PTPRZ1: variants seen among roughly 807,000 people sequenced by gnomAD.
The protein encoded by PTPRZ1 is protein tyrosine phosphatase receptor type Z1, also known as receptor-type tyrosine-protein phosphatase zeta.
In PTPRZ1, 82 loss-of-function variants were observed where a neutral mutation model predicts 214.1. That is an observed-to-expected ratio of 0.38 (90% CI 0.32 to 0.46). The LOEUF (loss-of-function observed/expected upper bound fraction) is 0.46, where lower values mean the gene tolerates loss of function less well. PTPRZ1 is among the 20% of genes least tolerant of loss of function. The pLI is 1.00. For synonymous variants in PTPRZ1, 945 were observed against 987.9 expected, an observed-to-expected ratio of 0.96 and a Z score of 0.81; for missense variants, 2,603 against 2,748.7, an observed-to-expected ratio of 0.95 and a Z score of 1.19.
At chr7:121,956,349 A>C (rs927225327) in intron 2 of PTPRZ1, among the ~76,000 whole-genome samples, 1 of 152,234 alleles carries the variant, frequency 6.6e-6, no homozygotes, top group Non-Finnish European at 1.5e-5. Context: ...AATTATTAAC[A>C]GTATACAACA....
Position 121,996,364 on chromosome 7 carries a change from A to G in PTPRZ1, c.929-18A>G. 1 of 1,567,198 alleles carries G rather than the reference A, an allele frequency of 6.4e-7. No homozygotes were observed. The highest frequency in any genetic ancestry group is 2.3e-5 in the East Asian group (1 of 43,882). ...AAGGCTAAGTTCTATCAACAACTGT[A>G]CTTTTTTCTCTCTGAAGTTTGTAGT... On this transcript the variant is annotated intron_variant, in intron 8 of 29. Coordinates refer to ENST00000393386, the MANE Select transcript of PTPRZ1 (RefSeq NM_002851.3).
rs377678869 is a variant in PTPRZ1 at position 122,054,993 on chromosome 7, A to G, written c.6434A>G (p.Glu2145Gly). 3.2e-5 allele frequency: 51 copies of G among 1,608,166 alleles called. No individual in the cohort carries two copies. The highest frequency in any genetic ancestry group is 4.2e-5 in the Non-Finnish European group (50 of 1,176,696). The change falls in exon 27 of 30, where the codon GAG becomes GGG. Residue 2145 changes from glutamate to glycine, a missense_variant. Coordinates refer to ENST00000393386, the MANE Select transcript of PTPRZ1 (RefSeq NM_002851.3). ...WPNKDEPINCESFKVTLMAEE... is the reference protein window; with the variant it reads ...WPNKDEPINCGSFKVTLMAEE... ...AATAAAGATGAGCCTATAAATTGTG[A>G]GAGCTTTAAGGTCACTCTTATGGCT...
chr7:121,879,480 G>A (rs1794165390), intron 1 of PTPRZ1, among the ~76,000 whole-genome samples: 1 of 152,204 alleles, frequency 6.6e-6, no homozygotes, highest in African/African-American at 2.4e-5. Flanking sequence ...AAGGCCGTAA[G>A]AGATAGTGAC....
At chr7:121,874,357 C>G (rs1302274569) in intron 1 of PTPRZ1, among the ~76,000 whole-genome samples, 1 of 152,160 alleles carries the variant, frequency 6.6e-6, no homozygotes, top group Non-Finnish European at 1.5e-5. Flanking sequence ...TCAAGTTTTC[C>G]AGTCATTTTC....
At chr7:122,057,991 CAT>C (rs1249985425) in intron 27 of PTPRZ1, among the ~76,000 whole-genome samples, 1 of 148,092 alleles carries the variant, frequency 6.8e-6, no homozygotes, top group Non-Finnish European at 1.5e-5. Flanking sequence ...TATATATATA[CAT>C]ATATATATGT....
In PTPRZ1 at chr7:122,022,125, A is replaced by T. The variant is rs1562867618; in HGVS notation, c.4988+2857A>T. On this transcript the variant is annotated intron_variant, in intron 13 of 29. Coordinates refer to ENST00000393386, the MANE Select transcript of PTPRZ1 (RefSeq NM_002851.3). Reference sequence around the variant, plus strand: ...ACCAATAACAGTCCTAATGGTAATGAAGTCCTTAAGAATTTTTCCAAGTTT... The same window carrying T: ...ACCAATAACAGTCCTAATGGTAATGTAGTCCTTAAGAATTTTTCCAAGTTT... Among the ~76,000 whole-genome samples the T allele has an allele frequency of 2.6e-5, 4 of 152,200 alleles. No individual in the cohort carries two copies. In the South Asian group the frequency reaches 8.3e-4, roughly 31 times the overall value.
At chr7:121,960,922 TA>T (rs887433464) in intron 2 of PTPRZ1, among the ~76,000 whole-genome samples, 4 of 152,096 alleles carry the variant, frequency 2.6e-5, no homozygotes, top group Admixed American at 2.6e-4. Context: ...GGGTGCTAAC[TA>T]CGGTTATCTC....
intron 13 of PTPRZ1, among the ~76,000 whole-genome samples, chr7:122,023,497 A>ATATATGTATAATTTTATATATAAT (rs1799088470): frequency 7.8e-6 from 1 of 128,996 alleles, no homozygotes; most frequent in Non-Finnish European, 1.6e-5. Flanking sequence ...ATATATAATT[A>ATATATGTATAATTTTATATATAAT]TATATATGTA....
At chr7:122,018,605 C>A (rs1198983204) in intron 12 of PTPRZ1, among the ~76,000 whole-genome samples, 1 of 151,414 alleles carries the variant, frequency 6.6e-6, no homozygotes, top group African/African-American at 2.4e-5. Context: ...AAATCGATTA[C>A]TGGATTGAAA....
At chr7:121,983,600 G>A in intron 6 of PTPRZ1, 65 bp from the exon 7 acceptor site, 1 of 1,401,828 alleles carries the variant, frequency 7.1e-7, no homozygotes, top group Middle Eastern at 1.8e-4. Context: ...CTGTTTCATA[G>A]AAGTTTTGAA....
intron 17 of PTPRZ1, among the ~76,000 whole-genome samples, chr7:122,035,033 C>T (rs542691468): frequency 1.3e-5 from 2 of 151,694 alleles, no homozygotes; most frequent in South Asian, 2.1e-4. Context: ...GTTTATATTC[C>T]CCTTCATCTC....
intron 21 of PTPRZ1, among the ~76,000 whole-genome samples, chr7:122,041,306 C>T (rs1304478985): frequency 6.8e-6 from 1 of 147,886 alleles, no homozygotes; most frequent in Non-Finnish European, 1.5e-5. Flanking sequence ...CATATAATAC[C>T]ATGGGATAAA....
At chr7:121,971,021 G>C (rs1287921498) in intron 3 of PTPRZ1, among the ~76,000 whole-genome samples, 1 of 152,050 alleles carries the variant, frequency 6.6e-6, no homozygotes, top group African/African-American at 2.4e-5. Flanking sequence ...TTCTACATAT[G>C]GCTAGCCAGT....
chr7:121,904,637 G>A (rs1333175596), intron 1 of PTPRZ1, among the ~76,000 whole-genome samples: 1 of 152,096 alleles, frequency 6.6e-6, no homozygotes, highest in Non-Finnish European at 1.5e-5. Context: ...TTATAAAAAT[G>A]TTATGGACCT....
intron 2 of PTPRZ1, among the ~76,000 whole-genome samples, chr7:121,964,960 G>A (rs919755943): frequency 1.3e-5 from 2 of 152,128 alleles, no homozygotes; most frequent in Non-Finnish European, 2.9e-5. Flanking sequence ...ACATGAGCGG[G>A]GACATCATAT....
At chr7:121,972,739 G>T in intron 4 of PTPRZ1, 47 bp downstream of exon 4, 1 of 1,357,240 alleles carries the variant, frequency 7.4e-7, no homozygotes, top group East Asian at 2.5e-5. Context: ...CTAAATAATT[G>T]ATGTTTTTAT....
At chr7:122,046,323 G>C (rs1423240469) in intron 23 of PTPRZ1, among the ~76,000 whole-genome samples, 1 of 152,074 alleles carries the variant, frequency 6.6e-6, no homozygotes, top group Non-Finnish European at 1.5e-5. Context: ...TGAGAGAATT[G>C]CCTGAGCTCA....
At chr7:122,057,343 A>G (rs117084005) in intron 27 of PTPRZ1, among the ~76,000 whole-genome samples, 1,856 of 151,996 alleles carry the variant, frequency 0.012, 19 homozygotes, top group Non-Finnish European at 0.019. Flanking sequence ...TTGAAAATGA[A>G]GTTTTCAACA....
At chr7:122,025,463 T>C (rs1799183256) in intron 13 of PTPRZ1, among the ~76,000 whole-genome samples, 7 of 151,614 alleles carry the variant, frequency 4.6e-5, no homozygotes, top group Admixed American at 4.6e-4. Context: ...TTGAGTAGCT[T>C]GGATTACAGG....
Sources: gnomAD v4.1 joint callset for allele counts (sites outside exome capture counted in the v4.1 genomes callset) on GRCh38, gnomAD v4.1.1 for gene constraint, MANE v1.5 for transcripts, NCBI Gene and HGNC (gene_info 2026-07-23, HGNC 2026-07-21) for gene names.